The following SPIC variants were observed in gnomAD, a reference collection of about 807,000 sequenced individuals.
The protein encoded by SPIC is Spi-C transcription factor.
Under a neutral mutation model 16.7 loss-of-function variants are expected in SPIC, and 9 were observed. The observed-to-expected ratio is 0.54, with a 90% CI of 0.33 to 0.94. The LOEUF (loss-of-function observed/expected upper bound fraction) is 0.94, where lower values mean the gene tolerates loss of function less well. Among genes scored for constraint, SPIC ranks in the 40% least tolerant of loss-of-function variants. The probability of loss-of-function intolerance (pLI) is 0.03; values close to 1 mark genes in which losing one functional copy is unlikely to be tolerated. For missense variants in SPIC, 241 were observed against 285.8 expected, an observed-to-expected ratio of 0.84 and a Z score of 1.13; for synonymous variants, 97 against 102.9, an observed-to-expected ratio of 0.94 and a Z score of 0.35.
At chr12:101,483,001 A>C in intron 5 of SPIC, 101 bp downstream of exon 5, 2 of 1,026,946 alleles carry the variant, frequency 1.9e-6, no homozygotes, top group Non-Finnish European at 2.9e-6. Flanking sequence ...GAATTTGCAA[A>C]ATATTCTTTT....
At chr12:101,486,246 T>G in intron 5 of SPIC, 98 bp from the exon 6 acceptor site, 2 of 1,201,254 alleles carry the variant, frequency 1.7e-6, no homozygotes, top group Non-Finnish European at 2.4e-6. Flanking sequence ...CCAGTCTCGA[T>G]GCAGCTTTTA....
At position 101,478,261 on chromosome 12, in the gene SPIC, G is replaced by T. The variant is rs189917367; in HGVS notation, c.97+610G>T. Reference sequence around the variant, plus strand: ...TTAGCCAGGATGTTCTCGATCTCCTGACCTCGTGATCCGCCCATCTCGGCC... The same window carrying T: ...TTAGCCAGGATGTTCTCGATCTCCTTACCTCGTGATCCGCCCATCTCGGCC... On this transcript the variant is annotated intron_variant, in intron 3 of 5. Coordinates refer to ENST00000551346, the MANE Select transcript of SPIC (RefSeq NM_152323.3). Among the ~76,000 whole-genome samples the T allele has an allele frequency of 7.0e-4, 106 of 152,112 alleles. No individual in the cohort carries two copies. The East Asian group carries it at 0.019, about 27-fold the overall frequency.
intron 3 of SPIC, among the ~76,000 whole-genome samples, chr12:101,479,254 G>GA (rs1167166875): frequency 0.31 from 29,271 of 93,812 alleles, 6,964 homozygotes; most frequent in Middle Eastern, 0.39. Flanking sequence ...AAGAAAGAAA[G>GA]AAGGAAGGAA....
chr12:101,482,073 T>C (rs915839882), intron 4 of SPIC, among the ~76,000 whole-genome samples: 1 of 146,004 alleles, frequency 6.8e-6, no homozygotes, highest in African/African-American at 2.5e-5. Flanking sequence ...AGAAACCCCA[T>C]CTCTACTAAA....
At chr12:101,480,956 C>A (rs1429428331) in intron 4 of SPIC, among the ~76,000 whole-genome samples, 1 of 152,122 alleles carries the variant, frequency 6.6e-6, no homozygotes, top group Non-Finnish European at 1.5e-5. Flanking sequence ...GGCAACCCTT[C>A]TTCTTTCTAC....
intron 4 of SPIC, among the ~76,000 whole-genome samples, chr12:101,481,341 C>A (rs964541664): frequency 4.6e-5 from 7 of 152,062 alleles, no homozygotes; most frequent in African/African-American, 1.7e-4. Flanking sequence ...CATGTGCCAC[C>A]AGGCCTGGGT....
At chr12:101,482,719 C>A in intron 4 of SPIC, 73 bp from the exon 5 acceptor site, 1 of 1,414,582 alleles carries the variant, frequency 7.1e-7, no homozygotes, top group Admixed American at 2.1e-5. Context: ...TTTCCCCTAA[C>A]TTTTGACTTC....
At chr12:101,476,117 A>G in intron 1 of SPIC, among the ~76,000 whole-genome samples, 1 of 152,198 alleles carries the variant, frequency 6.6e-6, no homozygotes, top group Non-Finnish European at 1.5e-5. Context: ...ATGGAATGAT[A>G]AGCAATTTTG....
chr12:101,479,258 G>C (rs952291018), intron 3 of SPIC, among the ~76,000 whole-genome samples: 5 of 73,210 alleles, frequency 6.8e-5, no homozygotes, highest in African/African-American at 3.8e-4. Flanking sequence ...AAGAAAGAAG[G>C]AAGGAAAGAA....
At position 101,486,356 on chromosome 12, in the gene SPIC, T is replaced by G; in HGVS notation, c.332T>G (p.Leu111Arg). 8.1e-6 allele frequency: 13 copies of G among 1,608,328 alleles called. No homozygotes were observed. The highest frequency in any genetic ancestry group is 1.0e-5 in the Non-Finnish European group (12 of 1,176,930). The stretch of plus-strand genomic sequence containing the variant: ...CCCTTCATTTTAGGCAGGAAGAAGC[T>G]CCGACTGTTTGAATACCTTCACGAA... Reference protein sequence around the residue: ...QQKGGKGRKKLRLFEYLHESL... With the variant: ...QQKGGKGRKKRRLFEYLHESL... Residue 111 changes from leucine (L) to arginine (R), a missense_variant, in exon 6 of 6, where the codon CTC becomes CGC. Transcript: ENST00000551346.
intron 3 of SPIC, among the ~76,000 whole-genome samples, chr12:101,479,215 A>G (rs865988048): frequency 0.028 from 3,321 of 120,268 alleles, 95 homozygotes; most frequent in South Asian, 0.087. Flanking sequence ...AAAGAAAGAA[A>G]GAAAGAAGGA....
chr12:101,485,785 G>C (rs1234221545), intron 5 of SPIC, among the ~76,000 whole-genome samples: 2 of 152,142 alleles, frequency 1.3e-5, no homozygotes, highest in African/African-American at 4.8e-5. Context: ...TGGAAAGTTT[G>C]TTTTGTTTTG....
In SPIC at chr12:101,484,706, C is replaced by G. The variant is rs147586278; in HGVS notation, c.320-1638C>G. On this transcript the variant is annotated intron_variant, in intron 5 of 5. Transcript: ENST00000551346. ...AAATTATAGGCCAGGCATGGTGGCT[C>G]ATGCCTGTAATCCCAGCACTTCGGG... Among the ~76,000 whole-genome samples, 922 of 151,552 alleles carry G rather than the reference C, an allele frequency of 6.1e-3. 6 individuals are homozygous for G. The highest frequency in any genetic ancestry group is 0.021 in the African/African-American group (870 of 41,356).
intron 3 of SPIC, among the ~76,000 whole-genome samples, chr12:101,478,016 T>C (rs1029022320): frequency 1.4e-4 from 21 of 149,934 alleles, no homozygotes; most frequent in Non-Finnish European, 2.7e-4. Flanking sequence ...AGACCTTTTT[T>C]TTCTTTTTTC....
intron 5 of SPIC, among the ~76,000 whole-genome samples, chr12:101,484,821 T>C (rs764171712): frequency 6.6e-6 from 1 of 151,502 alleles, no homozygotes; most frequent in African/African-American, 2.4e-5. Flanking sequence ...TGAGCCAAGA[T>C]TGCGCCACTA....
chr12:101,480,307 G>A (rs1026476095), intron 4 of SPIC, among the ~76,000 whole-genome samples: 61 of 152,284 alleles, frequency 4.0e-4, no homozygotes, highest in African/African-American at 1.4e-3. Context: ...GTCCATCTGG[G>A]AAATTGCAAA....
intron 2 of SPIC, 33 bp downstream of exon 2, chr12:101,476,940 G>A: frequency 7.1e-7 from 1 of 1,403,896 alleles, no homozygotes; most frequent in Non-Finnish European, 9.5e-7. Flanking sequence ...TCTTTACTCT[G>A]TCCACAGAGG....
chr12:101,484,337 G>A (rs547834111), intron 5 of SPIC, among the ~76,000 whole-genome samples: 1 of 151,218 alleles, frequency 6.6e-6, no homozygotes, highest in East Asian at 2.0e-4. Flanking sequence ...AGTTCGAGAC[G>A]AACCTGGCCA....
intron 5 of SPIC, among the ~76,000 whole-genome samples, chr12:101,483,337 C>T (rs1445138167): frequency 6.6e-6 from 1 of 152,138 alleles, no homozygotes; most frequent in Non-Finnish European, 1.5e-5. Flanking sequence ...CTTCCACCTC[C>T]ACATCTTGTC....
Sources: gnomAD v4.1 joint callset for allele counts (sites outside exome capture counted in the v4.1 genomes callset) on GRCh38, gnomAD v4.1.1 for gene constraint, MANE v1.5 for transcripts, NCBI Gene and HGNC (gene_info 2026-07-23, HGNC 2026-07-21) for gene names.